The following NCKAP1 variants were observed in gnomAD, a reference collection of about 807,000 sequenced individuals.
NCKAP1 encodes NCK associated protein 1, also known as nck-associated protein 1.
Under a neutral mutation model 151.2 loss-of-function variants are expected in NCKAP1, and 21 were observed. The ratio of observed to expected loss-of-function variants is 0.14; its 90% CI spans 0.10 to 0.20. NCKAP1 has a LOEUF of 0.20. Ranked by LOEUF, NCKAP1 falls within the 10% of genes least tolerant of loss-of-function variation. The pLI is 1.00. For synonymous variants in NCKAP1, 484 were observed against 451.8 expected (o/e 1.07, Z -0.90); for missense variants, 933 against 1,352.1 (o/e 0.69, Z 4.86).
intron 1 of NCKAP1, among the ~76,000 whole-genome samples, chr2:183,024,695 C>T (rs1476751046): frequency 3.9e-5 from 6 of 152,126 alleles, no homozygotes; most frequent in South Asian, 2.1e-4. Flanking sequence ...TGTTTTATTA[C>T]GTGACATTAA....
At chr2:182,990,004 T>C (rs1319254030) in intron 8 of NCKAP1, among the ~76,000 whole-genome samples, 1 of 149,618 alleles carries the variant, frequency 6.7e-6, no homozygotes. Flanking sequence ...AATATATATA[T>C]ATAATTTATA....
chr2:183,027,794 C>T (rs955533586), intron 1 of NCKAP1, among the ~76,000 whole-genome samples: 1 of 152,078 alleles, frequency 6.6e-6, no homozygotes, highest in African/African-American at 2.4e-5. Context: ...CATCTTATTC[C>T]CCACCCAAAC....
Position 182,925,531 on chromosome 2 carries a change from G to A in NCKAP1, c.*171C>T. 2.6e-6 allele frequency: 1 copy of A among 385,852 alleles called. No homozygotes were observed. The highest frequency in any genetic ancestry group is 4.8e-6 in the Non-Finnish European group (1 of 206,982). The allele number at this position is 385,852 out of a possible 1,614,324, so 23.9% of individuals were successfully genotyped here. A position where few individuals can be genotyped will look rare whatever the true frequency, so the allele number is the denominator to read the frequency against. ...TGAATGTGCAACCTAAATCAACCAA[G>A]TATACTGTAGTACAACCATATTAAG... On this transcript the variant is annotated 3_prime_UTR_variant, in exon 31 of 31. Coordinates refer to ENST00000361354, the MANE Select transcript of NCKAP1 (RefSeq NM_013436.5).
intron 6 of NCKAP1, among the ~76,000 whole-genome samples, chr2:182,999,041 G>C (rs1378857588): frequency 2.6e-5 from 4 of 152,090 alleles, no homozygotes; most frequent in Non-Finnish European, 5.9e-5. Flanking sequence ...ACGCTCATGG[G>C]ATGGAGGAAT....
chr2:182,992,586 G>A (rs768921156), intron 8 of NCKAP1, among the ~76,000 whole-genome samples: 4 of 152,134 alleles, frequency 2.6e-5, no homozygotes, highest in Non-Finnish European at 5.9e-5. Context: ...TCAAAACTCT[G>A]AAAGCTGTTT....
intron 2 of NCKAP1, among the ~76,000 whole-genome samples, chr2:183,011,209 A>T (rs1174515607): frequency 6.6e-6 from 1 of 152,256 alleles, no homozygotes; most frequent in African/African-American, 2.4e-5. Flanking sequence ...GTTTGGTCAT[A>T]GGAGAACCAA....
chr2:183,018,646 A>G (rs930266330), intron 2 of NCKAP1, among the ~76,000 whole-genome samples: 2 of 152,218 alleles, frequency 1.3e-5, no homozygotes, highest in Non-Finnish European at 2.9e-5. Flanking sequence ...GAATAGTTCT[A>G]CTAAAAAGTA....
intron 30 of NCKAP1, 31 bp downstream of exon 30, chr2:182,926,785 T>C: frequency 7.0e-7 from 1 of 1,431,758 alleles, no homozygotes; most frequent in South Asian, 1.2e-5. Flanking sequence ...GGAACTTTTT[T>C]ATTGTTAGTA....
chr2:182,946,687 C>T (rs1304738805), intron 23 of NCKAP1, among the ~76,000 whole-genome samples: 3 of 146,428 alleles, frequency 2.0e-5, no homozygotes, highest in South Asian at 2.1e-4. Context: ...AAAACTGCTC[C>T]TTTCAGAAAT....
At position 182,978,841 on chromosome 2, in the gene NCKAP1, T is replaced by C. The variant is rs1273169677; in HGVS notation, c.1416A>G (p.Val472=). The C allele has an allele frequency of 6.3e-7, 1 of 1,575,780 alleles. No individual in the cohort carries two copies. Among genetic ancestry groups the C allele is most frequent in the East Asian group, 2.3e-5 (1 of 44,282 alleles). Residue 472 remains valine (V), a synonymous_variant, in exon 14 of 31, where the codon GTA becomes GTG. Coordinates refer to ENST00000361354, the MANE Select transcript of NCKAP1 (RefSeq NM_013436.5). ...ATTTAAAAGGCTTATTACCTTGTTT[T>C]ACACTTAGGGAAGTCATAGTGTTAA... ...SFVNTMTSLS[V]KQVEDGEVFD...
chr2:182,952,060 G>A (rs1697227807), intron 23 of NCKAP1, among the ~76,000 whole-genome samples: 1 of 152,160 alleles, frequency 6.6e-6, no homozygotes, highest in Non-Finnish European at 1.5e-5. Context: ...AACCGCAAGT[G>A]TGAACAAATT....
rs192903124 is a variant in NCKAP1 at position 183,037,268 on chromosome 2, G to T, written c.108+724C>A. Reference sequence around the variant, plus strand: ...ATTTTGTACAGACACCGAACTTTAAGAAATGGTATTGGAAAATCTAACATG... The same window carrying T: ...ATTTTGTACAGACACCGAACTTTAATAAATGGTATTGGAAAATCTAACATG... On this transcript the variant is annotated intron_variant, in intron 1 of 30. Coordinates refer to ENST00000361354, the MANE Select transcript of NCKAP1 (RefSeq NM_013436.5). Among the ~76,000 whole-genome samples the T allele has an allele frequency of 6.2e-4, 95 of 152,290 alleles. 1 individual carries two copies. The highest frequency in any genetic ancestry group is 1.7e-3 in the Admixed American group (26 of 15,292).
In NCKAP1 at chr2:183,035,788, G is replaced by C. The variant is rs182181923; in HGVS notation, c.108+2204C>G. Among the ~76,000 whole-genome samples the C allele has an allele frequency of 1.3e-3, 191 of 152,138 alleles. 2 individuals carry two copies. Among genetic ancestry groups the C allele is most frequent in the African/African-American group, 4.5e-3 (185 of 41,528 alleles). On this transcript the variant is annotated intron_variant, in intron 1 of 30. Coordinates refer to ENST00000361354, the MANE Select transcript of NCKAP1 (RefSeq NM_013436.5). ...ATTACACAAAGGGAGCAAACCCAAGGGTATTATTATTAAAACTAGAGCACA... is the reference window on the plus strand; with the variant it reads ...ATTACACAAAGGGAGCAAACCCAAGCGTATTATTATTAAAACTAGAGCACA...
chr2:182,979,788 G>C (rs1697901218), intron 13 of NCKAP1, among the ~76,000 whole-genome samples: 1 of 151,978 alleles, frequency 6.6e-6, no homozygotes. Flanking sequence ...TTTGACTACT[G>C]GCTTTATTAC....
intron 1 of NCKAP1, among the ~76,000 whole-genome samples, chr2:183,029,192 A>T (rs1559112536): frequency 6.6e-6 from 1 of 152,132 alleles, no homozygotes; most frequent in East Asian, 1.9e-4. Flanking sequence ...CACAAATCTG[A>T]TGTTATCAGT....
At chr2:182,928,504 TA>T (rs968536410) in intron 28 of NCKAP1, among the ~76,000 whole-genome samples, 69 of 152,098 alleles carry the variant, frequency 4.5e-4, no homozygotes, top group Middle Eastern at 3.4e-3. Flanking sequence ...AGCTCGGAAA[TA>T]AAAAGGAAGT....
At chr2:182,988,349 C>T (rs985305845) in intron 9 of NCKAP1, among the ~76,000 whole-genome samples, 1 of 151,864 alleles carries the variant, frequency 6.6e-6, no homozygotes, top group African/African-American at 2.4e-5. Context: ...GCTAGGAAGC[C>T]CAACTTATAT....
intron 9 of NCKAP1, 79 bp from the exon 10 acceptor site, chr2:182,986,306 C>A (rs1698055568): frequency 2.6e-6 from 3 of 1,162,208 alleles, no homozygotes; most frequent in South Asian, 2.7e-5. Context: ...TACTAGAAGT[C>A]AATTAAAAAT....
chr2:183,018,166 G>A lies in NCKAP1; in HGVS notation c.219+5640C>T, dbSNP rs542009846. Among the ~76,000 whole-genome samples, 12 of 152,266 alleles carry A rather than the reference G, an allele frequency of 7.9e-5. No individual in the cohort carries two copies. The East Asian group carries it at 2.1e-3, about 27-fold the overall frequency. On this transcript the variant is annotated intron_variant, in intron 2 of 30. Coordinates refer to ENST00000361354, the MANE Select transcript of NCKAP1 (RefSeq NM_013436.5). ...GGAAGCTGAGGCAGGAGAATCGCTT[G>A]AATTCGGGAGGCAGAGGTTGCAGTG...
Sources: allele counts gnomAD v4.1 joint callset (sites outside exome capture counted in the v4.1 genomes callset), GRCh38; gene constraint gnomAD v4.1.1; transcripts MANE v1.5; gene names NCBI Gene and HGNC (gene_info 2026-07-23, HGNC 2026-07-21).